Variants in CDH13 observed in about 807,000 individuals in gnomAD.
CDH13 encodes cadherin-13.
In CDH13, 24 loss-of-function variants were observed where a neutral mutation model predicts 63.8. The ratio of observed to expected loss-of-function variants is 0.38; its 90% CI spans 0.27 to 0.53. CDH13 has a LOEUF of 0.53. Among genes scored for constraint, CDH13 ranks in the 20% least tolerant of loss-of-function variants. The probability of loss-of-function intolerance (pLI) is 0.85; values close to 1 mark genes in which losing one functional copy is unlikely to be tolerated. For missense variants in CDH13, 1,049 were observed against 903.1 expected (o/e 1.16, Z -2.07); for synonymous variants, 503 against 355.3 (o/e 1.42, Z -4.67).
At chr16:83,318,893 T>C (rs1264143122) in intron 5 of CDH13, among the ~76,000 whole-genome samples, 5 of 152,046 alleles carry the variant, frequency 3.3e-5, no homozygotes, top group East Asian at 1.9e-4. Flanking sequence ...AAATCAGAGA[T>C]AGGGAAGACC....
At chr16:83,407,559 G>A (rs887058367) in intron 6 of CDH13, among the ~76,000 whole-genome samples, 10 of 152,142 alleles carry the variant, frequency 6.6e-5, no homozygotes, top group South Asian at 2.1e-4. Context: ...AAAATGTAGT[G>A]ATTCATTAAT....
chr16:82,742,765 A>C (rs986991048), intron 1 of CDH13, among the ~76,000 whole-genome samples: 1 of 152,218 alleles, frequency 6.6e-6, no homozygotes, highest in Non-Finnish European at 1.5e-5. Flanking sequence ...AATTTAAATT[A>C]TATCACAACA....
intron 10 of CDH13, among the ~76,000 whole-genome samples, chr16:83,732,491 C>T (rs1911136918): frequency 1.3e-5 from 2 of 152,156 alleles, no homozygotes; most frequent in Admixed American, 6.5e-5. Context: ...ACATGACGTA[C>T]ATTTTTTAAA....
chr16:83,017,484 C>T (rs182118761), intron 2 of CDH13, among the ~76,000 whole-genome samples: 2 of 152,212 alleles, frequency 1.3e-5, no homozygotes, highest in African/African-American at 4.8e-5. Context: ...TTGTAAAAAG[C>T]AATCCAGCTT....
chr16:83,066,545 C>T (rs2032024947), intron 3 of CDH13, among the ~76,000 whole-genome samples: 2 of 152,130 alleles, frequency 1.3e-5, no homozygotes, highest in African/African-American at 2.4e-5. Flanking sequence ...AGCCTGAATA[C>T]CAATTTCTTA....
chr16:83,457,758 A>T (rs533850631), intron 6 of CDH13, among the ~76,000 whole-genome samples: 1 of 152,184 alleles, frequency 6.6e-6, no homozygotes, highest in African/African-American at 2.4e-5. Context: ...CCAAGCCAAT[A>T]GTCACTGACC....
At chr16:83,012,619 G>T (rs1256733586) in intron 2 of CDH13, among the ~76,000 whole-genome samples, 1 of 152,110 alleles carries the variant, frequency 6.6e-6, no homozygotes, top group Non-Finnish European at 1.5e-5. Flanking sequence ...CTTTAAGTAT[G>T]GGAAACAGAC....
Position 83,388,402 on chromosome 16 carries a change from G to C in CDH13, c.781+43396G>C, listed in dbSNP as rs371326716. 3.3e-5 allele frequency among the ~76,000 whole-genome samples: 5 copies of C among 152,022 alleles called. No individual in the cohort carries two copies. The East Asian group carries it at 5.8e-4, about 18-fold the overall frequency. ...CAGAAAGTCGAGGCTACTTTGAGTC[G>C]TGATTGTACCACTGCACTCCAGCTT... On this transcript the variant is annotated intron_variant, in intron 6 of 13. Transcript: ENST00000567109.
At chr16:82,656,936 T>A (rs1009598702) in intron 1 of CDH13, among the ~76,000 whole-genome samples, 1 of 140,744 alleles carries the variant, frequency 7.1e-6, no homozygotes, top group Middle Eastern at 3.6e-3. Flanking sequence ...TTTTTTTTTT[T>A]AGCATTGAAT....
At chr16:83,772,222 G>C (rs1914805005) in intron 11 of CDH13, among the ~76,000 whole-genome samples, 1 of 137,588 alleles carries the variant, frequency 7.3e-6, no homozygotes, top group African/African-American at 2.6e-5. Context: ...TTCAGGAATG[G>C]AGAAATGAAG....
At chr16:83,361,516 C>G (rs970141433) in intron 6 of CDH13, among the ~76,000 whole-genome samples, 2 of 152,134 alleles carry the variant, frequency 1.3e-5, no homozygotes, top group African/African-American at 4.8e-5. Context: ...GGCCAATGTC[C>G]AGAATGGCGT....
intron 2 of CDH13, among the ~76,000 whole-genome samples, chr16:82,957,172 C>T (rs574108297): frequency 2.6e-5 from 4 of 152,282 alleles, no homozygotes; most frequent in East Asian, 1.9e-4. Context: ...TCTTGAAATA[C>T]ACAAGTGGAA....
At chr16:83,424,672 GA>G (rs1316319213) in intron 6 of CDH13, among the ~76,000 whole-genome samples, 3 of 152,178 alleles carry the variant, frequency 2.0e-5, no homozygotes, top group Non-Finnish European at 2.9e-5. Context: ...TTGCAAGAAT[GA>G]AAAAGTAATC....
At chr16:83,745,995 C>G (rs1285885474) in intron 10 of CDH13, among the ~76,000 whole-genome samples, 2 of 152,192 alleles carry the variant, frequency 1.3e-5, no homozygotes, top group Non-Finnish European at 2.9e-5. Flanking sequence ...CAAGGTCAGA[C>G]CACCTGGGCC....
chr16:82,865,793 C>G (rs532550234), intron 2 of CDH13, among the ~76,000 whole-genome samples: 6 of 152,312 alleles, frequency 3.9e-5, no homozygotes, highest in Admixed American at 3.9e-4. Flanking sequence ...GCTTGAATTT[C>G]TCCCCAGAAA....
At chr16:82,632,461 A>T (rs1402763857) in intron 1 of CDH13, among the ~76,000 whole-genome samples, 1 of 152,154 alleles carries the variant, frequency 6.6e-6, no homozygotes, top group African/African-American at 2.4e-5. Context: ...CCAGAGAGAC[A>T]TAGCACCCAG....
At chr16:82,691,765 C>T (rs1171736629) in intron 1 of CDH13, among the ~76,000 whole-genome samples, 3 of 152,060 alleles carry the variant, frequency 2.0e-5, no homozygotes, top group Admixed American at 6.5e-5. Flanking sequence ...ATGGTCTCCC[C>T]TCAATATTCT....
At chr16:82,788,381 C>T (rs561996734) in intron 1 of CDH13, among the ~76,000 whole-genome samples, 26 of 152,286 alleles carry the variant, frequency 1.7e-4, no homozygotes, top group African/African-American at 6.3e-4. Context: ...TGCAGGCCTC[C>T]TGGACGACCG....
intron 4 of CDH13, among the ~76,000 whole-genome samples, chr16:83,194,395 T>C (rs2038812876): frequency 6.6e-6 from 1 of 152,190 alleles, no homozygotes; most frequent in Admixed American, 6.5e-5. Flanking sequence ...CACATTGTTT[T>C]CCTGTCTCCC....
Sources: gnomAD v4.1 joint callset for allele counts (sites outside exome capture counted in the v4.1 genomes callset) on GRCh38, gnomAD v4.1.1 for gene constraint, MANE v1.5 for transcripts, NCBI Gene and HGNC (gene_info 2026-07-23, HGNC 2026-07-21) for gene names.